DDX52: variants seen among roughly 807,000 people sequenced by gnomAD.
DDX52 encodes probable ATP-dependent RNA helicase DDX52.
Under a neutral mutation model 76.1 loss-of-function variants are expected in DDX52, and 59 were observed. The observed-to-expected ratio is 0.78, with a 90% confidence interval of 0.63 to 0.96. DDX52 has a LOEUF of 0.96. DDX52 is among the 40% of genes least tolerant of loss of function. The pLI is 0.00. For synonymous variants in DDX52, 231 were observed against 244.1 expected, an observed-to-expected ratio of 0.95 and a Z score of 0.50; for missense variants, 707 against 703.9, an observed-to-expected ratio of 1.00 and a Z score of -0.05.
chr17:37,631,024 G>A (rs2030656929), intron 4 of DDX52: 1 of 152,136 alleles, frequency 6.6e-6, no homozygotes, highest in African/African-American at 2.4e-5. Flanking sequence ...TATAACATAA[G>A]TCAACAGCAT....
intron 14 of DDX52, 23 bp downstream of exon 14, chr17:37,618,269 C>A: frequency 6.4e-7 from 1 of 1,563,640 alleles, no homozygotes; most frequent in African/African-American, 1.4e-5. Flanking sequence ...GTCAAACAGC[C>A]ATTTTTCTTA....
intron 4 of DDX52, chr17:37,631,658 G>A (rs1472792793): frequency 6.3e-6 from 1 of 159,526 alleles, no homozygotes; most frequent in African/African-American, 2.4e-5. Context: ...GGAAAAATAA[G>A]TCAGTTTATG....
At position 37,619,838 on chromosome 17, in the gene DDX52, C is replaced by T. The variant is rs373705840; in HGVS notation, c.1579G>A (p.Val527Ile). The change falls in exon 13 of 15, where the codon GTT (valine) becomes ATT (isoleucine). Residue 527 changes from valine to isoleucine, a missense_variant and splice_region_variant. Val to Ile is a conservative substitution (Grantham distance 29, BLOSUM62 3). Transcript: ENST00000617633. ...CCAGCCTGCTGTATAACATTAGCAA[C>T]GCTGAAAAAGAAACCCATAAACATA... ...TEDDKPLLRS[V>I]ANVIQQAGCP... 74 of 1,612,040 alleles carry T rather than the reference C, an allele frequency of 4.6e-5. No homozygotes were observed. The African/African-American group carries it at 6.0e-4, about 13-fold the overall frequency.
intron 2 of DDX52, among the ~76,000 whole-genome samples, chr17:37,638,971 C>G (rs527770169): frequency 9.0e-4 from 136 of 151,938 alleles, no homozygotes; most frequent in African/African-American, 3.1e-3. Flanking sequence ...GGAGTTTCAC[C>G]ATGTTGGCCA....
chr17:37,624,735 T>C lies in DDX52; in HGVS notation c.1137-301A>G, dbSNP rs149326635. Reference sequence around the variant, plus strand: ...CTAACTGTAAAATTATTGAGTAAAATAATAAAAATATTTTTAAGGTTGTTA... The same window carrying C: ...CTAACTGTAAAATTATTGAGTAAAACAATAAAAATATTTTTAAGGTTGTTA... On this transcript the variant is annotated intron_variant, in intron 8 of 14. Transcript: ENST00000617633. Among the ~76,000 whole-genome samples the C allele has an allele frequency of 1.9e-3, 291 of 152,142 alleles. 4 individuals are homozygous for C. The highest frequency in any genetic ancestry group is 8.2e-4 in the Non-Finnish European group (56 of 67,976).
chr17:37,616,604 G>A (rs1342537538), intron 14 of DDX52, among the ~76,000 whole-genome samples: 2 of 151,234 alleles, frequency 1.3e-5, no homozygotes, highest in African/African-American at 2.4e-5. Context: ...GCAGTGAGCC[G>A]AGATTGCGAC....
At chr17:37,641,591 G>C (rs1387947333) in intron 2 of DDX52, among the ~76,000 whole-genome samples, 1 of 151,686 alleles carries the variant, frequency 6.6e-6, no homozygotes, top group Non-Finnish European at 1.5e-5. Context: ...ACAAAAATTA[G>C]CTAGGCGTGG....
intron 14 of DDX52, among the ~76,000 whole-genome samples, chr17:37,615,376 G>C (rs1323613304): frequency 6.6e-6 from 1 of 152,138 alleles, no homozygotes; most frequent in Non-Finnish European, 1.5e-5. Context: ...TACAAATTAA[G>C]TTTTAATAAC....
At chr17:37,639,371 T>G in intron 2 of DDX52, 1 of 986,120 alleles carries the variant, frequency 1.0e-6, no homozygotes, top group Non-Finnish European at 1.2e-6. Flanking sequence ...TTTGTTCCCT[T>G]TATGAGACAG....
intron 2 of DDX52, among the ~76,000 whole-genome samples, chr17:37,637,003 C>G (rs1348005394): frequency 6.6e-6 from 1 of 152,120 alleles, no homozygotes; most frequent in Non-Finnish European, 1.5e-5. Flanking sequence ...TTTGTTCTGT[C>G]AGCCAGGCTA....
At chr17:37,631,868 A>C in intron 4 of DDX52, 1 of 565,472 alleles carries the variant, frequency 1.8e-6, no homozygotes, top group Non-Finnish European at 3.1e-6. Context: ...AAAAGAACAC[A>C]CCAAATACCA....
In DDX52 at chr17:37,630,091, T is replaced by G; in HGVS notation, c.686A>C (p.Gln229Pro). 1.2e-6 allele frequency: 2 copies of G among 1,614,104 alleles called. No homozygotes were observed. The highest frequency in any genetic ancestry group is 1.7e-6 in the Non-Finnish European group (2 of 1,180,008). Reference protein sequence around the residue: ...FSIPILMQLKQPANKGFRALI... With the variant: ...FSIPILMQLKPPANKGFRALI... ...GGCTCTGAAGCCTTTATTTGCGGGT[T>G]GTTTCAGCTGCATTAAAATAGGAAT... is the stretch of plus-strand genomic sequence containing the variant. The change falls in exon 5 of 15, where the codon CAA (glutamine) becomes CCA (proline). Residue 229 changes from glutamine (Q) to proline (P), a missense_variant. By Grantham distance (76) the Gln-to-Pro change is moderately conservative. Coordinates refer to ENST00000617633, the MANE Select transcript of DDX52 (RefSeq NM_007010.5).
chr17:37,634,709 C>T (rs1345893409), intron 2 of DDX52, among the ~76,000 whole-genome samples: 3 of 152,278 alleles, frequency 2.0e-5, no homozygotes, highest in African/African-American at 7.2e-5. Context: ...CTCCCTCAAT[C>T]TATGAAGAAC....
At chr17:37,634,124 T>C (rs1269128279) in intron 2 of DDX52, among the ~76,000 whole-genome samples, 2 of 151,450 alleles carry the variant, frequency 1.3e-5, no homozygotes, top group Non-Finnish European at 2.9e-5. Context: ...TTGTTTTGTA[T>C]TTTTAGTAGA....
At chr17:37,616,662 C>CAAAAAAAAAAAA (rs1188716926) in intron 14 of DDX52, among the ~76,000 whole-genome samples, 1 of 122,442 alleles carries the variant, frequency 8.2e-6, no homozygotes, top group African/African-American at 3.1e-5. Flanking sequence ...GACTCCATCT[C>CAAAAAAAAAAAA]AAAAAAAAAA....
intron 6 of DDX52, 68 bp downstream of exon 6, chr17:37,628,493 A>G (rs192812605): frequency 1.0e-4 from 129 of 1,282,622 alleles, no homozygotes; most frequent in South Asian, 5.1e-4. Context: ...CTTACATAGC[A>G]ATTAGGATAT....
chr17:37,633,537 T>TCC, intron 2 of DDX52, 119 bp from the exon 3 acceptor site: 6 of 714,978 alleles, frequency 8.4e-6, no homozygotes, highest in Non-Finnish European at 1.1e-5. Context: ...AAGCCTGTAG[T>TCC]CCCAGCTACT....
Position 37,630,092 on chromosome 17 carries a change from G to A in DDX52, c.685C>T (p.Gln229Ter), listed in dbSNP as rs1372214914. The part of the protein sequence containing the change: ...FSIPILMQLK[Q>*]PANKGFRALI... ...GCTCTGAAGCCTTTATTTGCGGGTT[G>A]TTTCAGCTGCATTAAAATAGGAATG... The change falls in exon 5 of 15, where the codon CAA becomes TAA. Residue 229 changes from glutamine to a stop codon, truncating the protein, a stop_gained. Transcript: ENST00000617633. LOFTEE classifies it high-confidence loss of function. 1.2e-6 allele frequency: 2 copies of A among 1,613,830 alleles called. No homozygotes were observed. The highest frequency in any genetic ancestry group is 1.3e-5 in the African/African-American group (1 of 74,904).
At chr17:37,638,878 T>G (rs2031055477) in intron 2 of DDX52, among the ~76,000 whole-genome samples, 1 of 151,682 alleles carries the variant, frequency 6.6e-6, no homozygotes, top group African/African-American at 2.4e-5. Context: ...CAAGCGATTT[T>G]CCTGCCTCAG....
Sources: allele counts gnomAD v4.1 joint callset (sites outside exome capture counted in the v4.1 genomes callset), GRCh38; gene constraint gnomAD v4.1.1; transcripts MANE v1.5; gene names NCBI Gene and HGNC (gene_info 2026-07-23, HGNC 2026-07-21).